Variants in TUBGCP3 observed in about 807,000 individuals in gnomAD.
TUBGCP3 encodes gamma-tubulin complex component 3.
Under a neutral mutation model 123.1 loss-of-function variants are expected in TUBGCP3, and 50 were observed. The observed-to-expected ratio is 0.41, with a 90% CI of 0.32 to 0.51. TUBGCP3 has a LOEUF of 0.51. Ranked by LOEUF, TUBGCP3 falls within the 20% of genes least tolerant of loss-of-function variation. The pLI is 0.36. For missense variants in TUBGCP3, 882 were observed against 1,127.0 expected (o/e 0.78, Z 3.11); for synonymous variants, 405 against 413.9 (o/e 0.98, Z 0.26).
At chr13:112,565,558 T>C (rs1880884463) in intron 2 of TUBGCP3, among the ~76,000 whole-genome samples, 1 of 152,242 alleles carries the variant, frequency 6.6e-6, no homozygotes, top group Non-Finnish European at 1.5e-5. Context: ...TTAGGAATCC[T>C]GAATCCAAGG....
At chr13:112,587,587 G>C (rs1315319244) in intron 1 of TUBGCP3, among the ~76,000 whole-genome samples, 3 of 152,240 alleles carry the variant, frequency 2.0e-5, no homozygotes, top group African/African-American at 7.2e-5. Flanking sequence ...CGCGAGCGGA[G>C]TGAGCGGTGA....
intron 16 of TUBGCP3, among the ~76,000 whole-genome samples, chr13:112,517,334 G>A (rs1318548943): frequency 6.6e-6 from 1 of 152,122 alleles, no homozygotes; most frequent in African/African-American, 2.4e-5. Flanking sequence ...GAGCTTTACA[G>A]ACCTAAACAT....
intron 20 of TUBGCP3, among the ~76,000 whole-genome samples, chr13:112,494,686 G>C (rs1166677281): frequency 6.6e-6 from 1 of 152,142 alleles, no homozygotes; most frequent in Non-Finnish European, 1.5e-5. Context: ...TGTTCCCTCC[G>C]CAGTGTGTGA....
the TUBGCP3 span, among the ~76,000 whole-genome samples, chr13:112,601,187 A>T: frequency 1.0e-5 from 1 of 99,914 alleles, no homozygotes; most frequent in Non-Finnish European, 2.6e-5. Context: ...ATTCTGTCTA[A>T]AAAAAAAAAA....
intron 1 of TUBGCP3, among the ~76,000 whole-genome samples, chr13:112,585,812 A>G (rs977550527): frequency 6.6e-5 from 10 of 152,120 alleles, no homozygotes; most frequent in Admixed American, 3.3e-4. Flanking sequence ...GGACCCTGTC[A>G]GGATCTGAGA....
chr13:112,598,423 AAAC>A, the TUBGCP3 span, among the ~76,000 whole-genome samples: 5 of 152,050 alleles, frequency 3.3e-5, no homozygotes, highest in East Asian at 7.7e-4. Context: ...TGATTAGAAA[AAAC>A]AATGTCTTAG....
chr13:112,565,010 A>G, intron 3 of TUBGCP3, 101 bp downstream of exon 3: 1 of 986,530 alleles, frequency 1.0e-6, no homozygotes, highest in Non-Finnish European at 1.4e-6. Context: ...CCAATTATAG[A>G]AAAGTTTAAT....
intron 21 of TUBGCP3, among the ~76,000 whole-genome samples, chr13:112,486,670 A>G (rs1287718356): frequency 2.0e-5 from 3 of 152,188 alleles, no homozygotes; most frequent in Admixed American, 6.5e-5. Context: ...CATCGCCATC[A>G]TCCTGTTACT....
chr13:112,581,735 C>T (rs143913853), intron 1 of TUBGCP3, among the ~76,000 whole-genome samples: 1 of 152,290 alleles, frequency 6.6e-6, no homozygotes, highest in African/African-American at 2.4e-5. Context: ...TGTGAGCCAC[C>T]GTACCCAGCC....
chr13:112,487,277 T>C (rs1396922957), intron 21 of TUBGCP3, among the ~76,000 whole-genome samples: 2 of 152,216 alleles, frequency 1.3e-5, no homozygotes, highest in African/African-American at 2.4e-5. Flanking sequence ...CTGGATGTTC[T>C]TTCACAGTCA....
chr13:112,571,752 A>C (rs1415366649), intron 1 of TUBGCP3, among the ~76,000 whole-genome samples: 3 of 152,212 alleles, frequency 2.0e-5, no homozygotes, highest in Non-Finnish European at 4.4e-5. Context: ...TAGTGTAGCC[A>C]CCTTCCCCAA....
chr13:112,526,314 C>G (rs1292750188), intron 13 of TUBGCP3, among the ~76,000 whole-genome samples: 1 of 145,360 alleles, frequency 6.9e-6, no homozygotes, highest in African/African-American at 2.5e-5. Flanking sequence ...ACTGCCACCA[C>G]CATGCCATCA....
At position 112,519,794 on chromosome 13, in the gene TUBGCP3, C is replaced by T; in HGVS notation, c.1881+92G>A. ...CCAGAAAGATAACGGCTAGCTGTGCCTGAAACAACATGGAAAACACTCGCT... is the reference window on the plus strand; with the variant it reads ...CCAGAAAGATAACGGCTAGCTGTGCTTGAAACAACATGGAAAACACTCGCT... On this transcript the variant is annotated intron_variant, in intron 15 of 21. Transcript: ENST00000261965. This position sits in a 1 kb window ranked among gnomAD's most constrained non-coding sequence, Gnocchi z 6.2. 3 of 1,472,046 alleles carry T rather than the reference C, an allele frequency of 2.0e-6. No individual in the cohort carries two copies. The highest frequency in any genetic ancestry group is 2.7e-6 in the Non-Finnish European group (3 of 1,109,944). 91.2% of individuals were successfully genotyped at this position (1,472,046 alleles called of 1,614,324 possible). A position where few individuals can be genotyped will look rare whatever the true frequency, so the allele number is the denominator to read the frequency against.
chr13:112,510,555 G>A (rs571593280), intron 17 of TUBGCP3, among the ~76,000 whole-genome samples: 9 of 152,134 alleles, frequency 5.9e-5, no homozygotes, highest in African/African-American at 1.4e-4. Context: ...TTACATCATC[G>A]GCATTCCTGC....
chr13:112,567,357 T>C (rs1268262297), intron 2 of TUBGCP3, among the ~76,000 whole-genome samples: 2 of 152,214 alleles, frequency 1.3e-5, no homozygotes, highest in African/African-American at 2.4e-5. Flanking sequence ...GACACACTTA[T>C]AGTAGTATGT....
At chr13:112,568,185 C>T (rs1228036502) in intron 2 of TUBGCP3, among the ~76,000 whole-genome samples, 1 of 134,154 alleles carries the variant, frequency 7.5e-6, no homozygotes. Flanking sequence ...CTAAGACCCA[C>T]AGCCAAATGG....
chr13:112,517,571 G>T (rs1876250884), intron 16 of TUBGCP3, among the ~76,000 whole-genome samples: 1 of 152,148 alleles, frequency 6.6e-6, no homozygotes, highest in East Asian at 1.9e-4. Context: ...AATTAACAAG[G>T]CAGGAGATAT....
intron 1 of TUBGCP3, 23 bp from the exon 2 acceptor site, chr13:112,569,282 C>T (rs1039607525): frequency 3.2e-5 from 51 of 1,610,828 alleles, no homozygotes; most frequent in Admixed American, 2.0e-4. Context: ...CAAAAGGATG[C>T]GGATTGTTAC....
intron 20 of TUBGCP3, among the ~76,000 whole-genome samples, chr13:112,495,961 AAAG>A (rs1880501822): frequency 6.6e-6 from 1 of 152,292 alleles, no homozygotes; most frequent in East Asian, 1.9e-4. Context: ...TATTAGAATA[AAAG>A]AAGAAATATT....
Sources: allele counts gnomAD v4.1 joint callset (sites outside exome capture counted in the v4.1 genomes callset), GRCh38; gene constraint gnomAD v4.1.1; non-coding constraint Gnocchi (gnomAD v3.1); transcripts MANE v1.5; gene names NCBI Gene and HGNC (gene_info 2026-07-23, HGNC 2026-07-21).